LAMA1: variants seen among roughly 807,000 people sequenced by gnomAD.
LAMA1 encodes laminin subunit alpha-1.
A neutral mutation model predicts 348.7 loss-of-function variants in LAMA1; 219 were observed. That is an observed-to-expected ratio of 0.63 (90% CI 0.56 to 0.70). LAMA1 has a LOEUF of 0.70. LAMA1 is among the 30% of genes least tolerant of loss of function. LAMA1 has a pLI of 0.00. For synonymous variants in LAMA1, 1,487 were observed against 1,491.0 expected, an observed-to-expected ratio of 1.00 and a Z score of 0.06; for missense variants, 3,744 against 3,888.0, an observed-to-expected ratio of 0.96 and a Z score of 0.99.
At chr18:7,095,072 T>C (rs2058255137) in intron 1 of LAMA1, among the ~76,000 whole-genome samples, 1 of 151,644 alleles carries the variant, frequency 6.6e-6, no homozygotes, top group Admixed American at 6.6e-5. Flanking sequence ...ACTGTTTTTT[T>C]TTTTTTTTTG....
chr18:7,071,539 A>G (rs968935963), intron 3 of LAMA1, among the ~76,000 whole-genome samples: 4 of 152,244 alleles, frequency 2.6e-5, no homozygotes, highest in Non-Finnish European at 4.4e-5. Context: ...GTTATTACCC[A>G]TAACAGAAAA....
chr18:6,955,384 A>G lies in LAMA1; in HGVS notation c.8176T>C (p.Leu2726=), dbSNP rs2057570724. Reference sequence around the variant, plus strand: ...CTGACAGCCGACTGATTAAAAGGCAAGATGAAATGGCTGTTTTGTGTGAGA... The same window carrying G: ...CTGACAGCCGACTGATTAAAAGGCAGGATGAAATGGCTGTTTTGTGTGAGA... ...FGLTQNSHFI[L]PFNQSAVRKK... The change falls in exon 57 of 63, where the codon TTG becomes CTG. Residue 2726 remains leucine, a synonymous_variant. Coordinates refer to ENST00000389658, the MANE Select transcript of LAMA1 (RefSeq NM_005559.4). The G allele has an allele frequency of 1.2e-6, 2 of 1,614,190 alleles. No homozygotes were observed. The highest frequency in any genetic ancestry group is 4.5e-5 in the East Asian group (2 of 44,884).
intron 1 of LAMA1, among the ~76,000 whole-genome samples, chr18:7,115,950 G>T (rs1382610580): frequency 6.6e-6 from 1 of 151,914 alleles, no homozygotes; most frequent in Non-Finnish European, 1.5e-5. Context: ...CTCCACTCCT[G>T]CCTGCAGCCC....
chr18:6,941,963 C>T lies in LAMA1; in HGVS notation c.*116G>A, dbSNP rs145733881. 8.9e-4 allele frequency: 1,193 copies of T among 1,334,680 alleles called. 4 individuals are homozygous for T. The African/African-American group carries it at 0.012, about 14-fold the overall frequency. 82.7% of individuals were successfully genotyped at this position (1,334,680 alleles called of 1,614,324 possible). On this transcript the variant is annotated 3_prime_UTR_variant, in exon 63 of 63. Transcript: ENST00000389658. ...GTAACGTAAACACAACATCTCTCCC[C>T]AGAAACACTTAACCTGAGTTGGAAA...
chr18:7,023,448 C>G, intron 18 of LAMA1, 73 bp from the exon 19 acceptor site: 1 of 1,217,186 alleles, frequency 8.2e-7, no homozygotes, highest in East Asian at 2.3e-5. Flanking sequence ...CCAGGGACTC[C>G]CTGAATGGCT....
At chr18:6,993,779 A>T in intron 34 of LAMA1, 27 bp from the exon 35 acceptor site, 1 of 1,346,472 alleles carries the variant, frequency 7.4e-7, no homozygotes, top group Middle Eastern at 1.8e-4. Flanking sequence ...GTCTCAGGTT[A>T]GTTTGACTTT....
chr18:6,943,859 A>G (rs2143960649), intron 61 of LAMA1, among the ~76,000 whole-genome samples: 1 of 151,980 alleles, frequency 6.6e-6, no homozygotes, highest in South Asian at 2.1e-4. Flanking sequence ...AAAAAAAAAA[A>G]AAAAAAGATT....
intron 3 of LAMA1, among the ~76,000 whole-genome samples, chr18:7,056,007 G>A (rs1383992426): frequency 6.6e-6 from 1 of 151,918 alleles, no homozygotes; most frequent in Non-Finnish European, 1.5e-5. Flanking sequence ...GTGAACCCGG[G>A]AGGCAGAGCT....
intron 57 of LAMA1, among the ~76,000 whole-genome samples, chr18:6,951,541 G>A (rs929661072): frequency 6.6e-6 from 1 of 152,202 alleles, no homozygotes; most frequent in Non-Finnish European, 1.5e-5. Flanking sequence ...AGGGAGGAGG[G>A]GCTTTGAGGG....
At chr18:7,038,651 A>G in intron 11 of LAMA1, 159 bp downstream of exon 11, 1 of 924,732 alleles carries the variant, frequency 1.1e-6, no homozygotes, top group Non-Finnish European at 1.7e-6. Flanking sequence ...AAGAATCTTG[A>G]GAGGCAGACG....
At chr18:6,980,712 C>G (rs758778999) in intron 41 of LAMA1, 75 bp from the exon 42 acceptor site, 2 of 801,438 alleles carry the variant, frequency 2.5e-6, no homozygotes, top group Non-Finnish European at 4.4e-6. Flanking sequence ...CTTTATCATT[C>G]TTGACCATCG....
intron 3 of LAMA1, among the ~76,000 whole-genome samples, chr18:7,071,274 C>T (rs1161027394): frequency 2.0e-5 from 3 of 152,188 alleles, no homozygotes; most frequent in Non-Finnish European, 4.4e-5. Flanking sequence ...ATTTTTGTAC[C>T]TGCAAAGAGG....
chr18:7,002,235 G>A (rs780776796), intron 30 of LAMA1, 29 bp downstream of exon 30: 1 of 1,608,140 alleles, frequency 6.2e-7, no homozygotes, highest in Non-Finnish European at 8.5e-7. Flanking sequence ...GGGCAGCCCA[G>A]CATGCCAGCT....
At chr18:6,943,623 C>T (rs965966451) in intron 61 of LAMA1, among the ~76,000 whole-genome samples, 57 of 152,100 alleles carry the variant, frequency 3.7e-4, no homozygotes, top group Non-Finnish European at 2.9e-4. Context: ...CCGAGGCAGG[C>T]GGATCACCTG....
chr18:7,028,279 A>G (rs564408753), intron 16 of LAMA1, among the ~76,000 whole-genome samples: 2 of 152,342 alleles, frequency 1.3e-5, no homozygotes, highest in South Asian at 4.1e-4. Flanking sequence ...GTTGATAGCT[A>G]CAAACTCACA....
intron 10 of LAMA1, 67 bp downstream of exon 10, chr18:7,040,009 T>C (rs959950287): frequency 3.2e-6 from 5 of 1,581,058 alleles, no homozygotes; most frequent in African/African-American, 1.3e-5. Context: ...TTGGAGCCAA[T>C]GGAAAACACT....
intron 39 of LAMA1, 128 bp downstream of exon 39, chr18:6,985,109 T>C: frequency 1.8e-6 from 2 of 1,109,038 alleles, no homozygotes; most frequent in Admixed American, 3.5e-5. Context: ...ACTTGCCAGG[T>C]AAATAAAACA....
At chr18:6,967,356 C>A (rs780998208) in intron 48 of LAMA1, among the ~76,000 whole-genome samples, 5 of 152,174 alleles carry the variant, frequency 3.3e-5, no homozygotes, top group African/African-American at 4.8e-5. Context: ...GGCTTCCTAG[C>A]CATATGTTCC....
At chr18:7,080,706 G>A (rs1343806878) in intron 1 of LAMA1, among the ~76,000 whole-genome samples, 1 of 152,158 alleles carries the variant, frequency 6.6e-6, no homozygotes, top group African/African-American at 2.4e-5. Flanking sequence ...AAACGACAGA[G>A]GAACTTTCTA....
Sources: gnomAD v4.1 joint callset for allele counts (sites outside exome capture counted in the v4.1 genomes callset) on GRCh38, gnomAD v4.1.1 for gene constraint, MANE v1.5 for transcripts, NCBI Gene and HGNC (gene_info 2026-07-23, HGNC 2026-07-21) for gene names.